Variants in WNT3 observed in about 807,000 individuals in gnomAD.
The protein encoded by WNT3 is proto-oncogene Wnt-3.
In WNT3, 7 loss-of-function variants were observed where a neutral mutation model predicts 34.2. The observed-to-expected ratio is 0.20, with a 90% CI of 0.12 to 0.38. The LOEUF is 0.38. Among genes scored for constraint, WNT3 ranks in the 10% least tolerant of loss-of-function variants. WNT3 has a pLI of 1.00. For synonymous variants in WNT3, 212 were observed against 211.5 expected (o/e 1.00, Z -0.02); for missense variants, 267 against 499.8 (o/e 0.53, Z 4.44).
In WNT3 at chr17:46,806,822, G is replaced by A. The variant is rs576902199; in HGVS notation, c.80+11696C>T. Among the ~76,000 whole-genome samples, 6 of 152,330 alleles carry A rather than the reference G, an allele frequency of 3.9e-5. No individual in the cohort carries two copies. In the East Asian group the frequency reaches 7.7e-4, roughly 20 times the overall value. ...TGGGTGAATGGGGAGATCCCTGGCC[G>A]CCGCTCCCCTCTGCTCCTCCTTGGG... is the stretch of plus-strand genomic sequence containing the variant. On this transcript the variant is annotated intron_variant, in intron 1 of 4. Coordinates refer to ENST00000225512, the MANE Select transcript of WNT3 (RefSeq NM_030753.5).
chr17:46,790,187 T>C (rs894292187), intron 1 of WNT3, among the ~76,000 whole-genome samples: 2 of 152,132 alleles, frequency 1.3e-5, no homozygotes, highest in African/African-American at 4.8e-5. Flanking sequence ...GCAGGCTCCT[T>C]GCTTTAGCTC....
chr17:46,793,456 A>C (rs531635765), intron 1 of WNT3, among the ~76,000 whole-genome samples: 1 of 152,190 alleles, frequency 6.6e-6, no homozygotes, highest in African/African-American at 2.4e-5. Flanking sequence ...CCCGCCTATC[A>C]GTCTTTTTTC....
At chr17:46,764,942 G>GC (rs1175502467) in intron 4 of WNT3, among the ~76,000 whole-genome samples, 1 of 152,206 alleles carries the variant, frequency 6.6e-6, no homozygotes, top group East Asian at 1.9e-4. Context: ...ACGGTGCCTG[G>GC]CCGAGGGCCC....
intron 1 of WNT3, among the ~76,000 whole-genome samples, chr17:46,803,824 G>T (rs2084157847): frequency 6.6e-6 from 1 of 152,232 alleles, no homozygotes; most frequent in Non-Finnish European, 1.5e-5. Context: ...GGCCTGCAGA[G>T]CCCGGAAGCA....
intron 4 of WNT3, among the ~76,000 whole-genome samples, chr17:46,765,967 C>A (rs778449229): frequency 4.6e-5 from 7 of 152,176 alleles, no homozygotes; most frequent in Non-Finnish European, 8.8e-5. Context: ...AGTGAGGCCT[C>A]CAGAGCTTCC....
intron 1 of WNT3, among the ~76,000 whole-genome samples, chr17:46,810,471 GC>G (rs1262569168): frequency 6.6e-6 from 1 of 152,170 alleles, no homozygotes; most frequent in Non-Finnish European, 1.5e-5. Flanking sequence ...CAGGTCTGAG[GC>G]CAACTGGTCA....
chr17:46,800,983 C>T (rs1229677354), intron 1 of WNT3, among the ~76,000 whole-genome samples: 1 of 152,302 alleles, frequency 6.6e-6, no homozygotes, highest in South Asian at 2.1e-4. Flanking sequence ...ACGAGAACAA[C>T]GCAGACTGTA....
chr17:46,785,993 TG>T (rs1275413950), intron 1 of WNT3, among the ~76,000 whole-genome samples: 10 of 152,238 alleles, frequency 6.6e-5, no homozygotes, highest in Non-Finnish European at 1.5e-5. Context: ...TGTTGAAACC[TG>T]TAAAATGTTT....
chr17:46,781,138 G>A (rs1011082839), intron 1 of WNT3, among the ~76,000 whole-genome samples: 1 of 151,786 alleles, frequency 6.6e-6, no homozygotes, highest in East Asian at 1.9e-4. Context: ...TGAGACAGGA[G>A]TATTGCTTGA....
At position 46,769,772 on chromosome 17, in the gene WNT3, G is replaced by A. The variant is rs200650847; in HGVS notation, c.588+11C>T. ...CTCCCTGAAGGGTTTGGGGAGGGTA[G>A]CCGGGCTCACCGTGCGGCCCGCCTC... On this transcript the variant is annotated intron_variant, in intron 3 of 4. Transcript: ENST00000225512. 8 of 1,609,042 alleles carry A rather than the reference G, an allele frequency of 5.0e-6. No individual in the cohort carries two copies. The East Asian group carries it at 1.3e-4, about 27-fold the overall frequency.
chr17:46,816,946 C>T (rs2084358798), intron 1 of WNT3, among the ~76,000 whole-genome samples: 1 of 152,238 alleles, frequency 6.6e-6, no homozygotes, highest in Non-Finnish European at 1.5e-5. Context: ...AACCTCCTTC[C>T]TGAAGTCCCT....
chr17:46,797,234 T>C (rs1211709245), intron 1 of WNT3, among the ~76,000 whole-genome samples: 1 of 152,198 alleles, frequency 6.6e-6, no homozygotes, highest in Non-Finnish European at 1.5e-5. Flanking sequence ...GTGGGGCTGA[T>C]GTTATAAGAA....
Position 46,816,609 on chromosome 17 carries a change from T to C in WNT3, c.80+1909A>G, listed in dbSNP as rs116978859. ...TAGCATTATGTTAGGGCCAATGTCT[T>C]GACCTTCCAGGTTTCCCCAGCGTTT... On this transcript the variant is annotated intron_variant, in intron 1 of 4. Transcript: ENST00000225512. Among the ~76,000 whole-genome samples, 443 of 152,262 alleles carry C rather than the reference T, an allele frequency of 2.9e-3. 15 individuals carry two copies. In the East Asian group the frequency reaches 0.073, roughly 25 times the overall value.
At chr17:46,794,838 C>T (rs948628587) in intron 1 of WNT3, among the ~76,000 whole-genome samples, 1 of 151,528 alleles carries the variant, frequency 6.6e-6, no homozygotes, top group Non-Finnish European at 1.5e-5. Context: ...GCAACCTGCA[C>T]CTCCCAGGTT....
rs948707595 is a variant in WNT3 at position 46,772,016 on chromosome 17, C to T, written c.322+1652G>A. On this transcript the variant is annotated intron_variant, in intron 2 of 4. Coordinates refer to ENST00000225512, the MANE Select transcript of WNT3 (RefSeq NM_030753.5). ...AAGACGCGCGCCCCGGGCTGCCCGACCCGCTGCGCCCCGGGTCTCAAAGCG... is the reference window on the plus strand; with the variant it reads ...AAGACGCGCGCCCCGGGCTGCCCGATCCGCTGCGCCCCGGGTCTCAAAGCG... Among the ~76,000 whole-genome samples, 108 of 151,642 alleles carry T rather than the reference C, an allele frequency of 7.1e-4. 1 individual carries two copies. Among genetic ancestry groups the T allele is most frequent in the African/African-American group, 2.0e-3 (83 of 41,482 alleles).
chr17:46,790,195 C>T, intron 1 of WNT3, among the ~76,000 whole-genome samples: 1 of 152,172 alleles, frequency 6.6e-6, no homozygotes, highest in East Asian at 1.9e-4. Flanking sequence ...CTTGCTTTAG[C>T]TCTGTCCTCT....
intron 1 of WNT3, among the ~76,000 whole-genome samples, chr17:46,794,666 G>A (rs118058613): frequency 0.029 from 4,333 of 152,010 alleles, 105 homozygotes; most frequent in Non-Finnish European, 0.036. Context: ...AGATGCCTGG[G>A]AATTCCCTCC....
chr17:46,769,701 G>T, intron 3 of WNT3, 82 bp downstream of exon 3: 1 of 1,567,850 alleles, frequency 6.4e-7, no homozygotes, highest in Non-Finnish European at 8.6e-7. Context: ...TGCCGGAAGG[G>T]GTGAGGTGGG....
intron 1 of WNT3, among the ~76,000 whole-genome samples, chr17:46,779,063 A>T (rs1598765166): frequency 1.2e-5 from 1 of 86,036 alleles, no homozygotes; most frequent in South Asian, 3.6e-4. Context: ...TCACACACAC[A>T]CACACACACA....
Sources: gnomAD v4.1 joint callset for allele counts (sites outside exome capture counted in the v4.1 genomes callset) on GRCh38, gnomAD v4.1.1 for gene constraint, MANE v1.5 for transcripts, NCBI Gene and HGNC (gene_info 2026-07-23, HGNC 2026-07-21) for gene names.